Variants in PLPP3 observed in about 807,000 individuals in gnomAD.
PLPP3 encodes the protein PAP2 beta.
A neutral mutation model predicts 29.6 loss-of-function variants in PLPP3; 6 were observed. The ratio of observed to expected loss-of-function variants is 0.20; its 90% CI spans 0.11 to 0.40. The LOEUF is 0.40. Among genes scored for constraint, PLPP3 ranks in the 10% least tolerant of loss-of-function variants. The pLI is 1.00. For synonymous variants in PLPP3, 152 were observed against 159.7 expected (o/e 0.95, Z 0.36); for missense variants, 308 against 407.7 (o/e 0.76, Z 2.11).
At chr1:56,510,243 C>T (rs1278655371) in intron 5 of PLPP3, among the ~76,000 whole-genome samples, 1 of 152,186 alleles carries the variant, frequency 6.6e-6, no homozygotes, top group African/African-American at 2.4e-5. Context: ...AGTGCAAACA[C>T]CCATCCCCCA....
intron 5 of PLPP3, among the ~76,000 whole-genome samples, chr1:56,496,985 A>G (rs1645635024): frequency 6.6e-6 from 1 of 152,192 alleles, no homozygotes; most frequent in Non-Finnish European, 1.5e-5. Flanking sequence ...AGGCAAACGA[A>G]TAGCAATGAA....
intron 4 of PLPP3, among the ~76,000 whole-genome samples, chr1:56,518,773 C>T (rs140591880): frequency 0.016 from 2,292 of 147,008 alleles, 69 homozygotes; most frequent in African/African-American, 0.054. Flanking sequence ...TGATCCTGAA[C>T]TCCTGGGCTC....
intron 1 of PLPP3, among the ~76,000 whole-genome samples, chr1:56,542,582 T>C (rs540043645): frequency 2.6e-5 from 4 of 152,254 alleles, no homozygotes; most frequent in African/African-American, 9.6e-5. Context: ...ATAGTCATTA[T>C]AAAATACGTG....
chr1:56,550,851 T>C (rs1646033455), intron 1 of PLPP3, among the ~76,000 whole-genome samples: 1 of 152,072 alleles, frequency 6.6e-6, no homozygotes, highest in Non-Finnish European at 1.5e-5. Context: ...TTCATGGAAA[T>C]ATCAGCTTCC....
At chr1:56,565,125 G>T (rs889710064) in intron 1 of PLPP3, among the ~76,000 whole-genome samples, 8 of 152,214 alleles carry the variant, frequency 5.3e-5, no homozygotes, top group African/African-American at 1.7e-4. Flanking sequence ...AGTGTCTAAT[G>T]AAATCTGCTG....
rs377643864 is a variant in PLPP3 at position 56,518,622 on chromosome 1, G to GT, written c.633+5200dup. On this transcript the variant is annotated intron_variant, in intron 4 of 5. Coordinates refer to ENST00000371250, the MANE Select transcript of PLPP3 (RefSeq NM_003713.5). ...CAAATATTTATTGCACACTTACTAG[G>GT]TATCAGGCATTATTTTGGGAAGTAG... Among the ~76,000 whole-genome samples, 31 of 151,670 alleles carry GT rather than the reference G, an allele frequency of 2.0e-4. 1 individual carries two copies. Among genetic ancestry groups the GT allele is most frequent in the African/African-American group, 7.5e-4 (31 of 41,338 alleles).
chr1:56,498,378 A>C (rs79188207), intron 5 of PLPP3, among the ~76,000 whole-genome samples: 4,001 of 152,268 alleles, frequency 0.026, 196 homozygotes, highest in African/African-American at 0.091. Flanking sequence ...CAGTATAAGG[A>C]AACAGACTCG....
In PLPP3 at chr1:56,512,102, G is replaced by A; in HGVS notation, c.684C>T (p.Pro228=). 1 of 1,611,976 alleles carries A rather than the reference G, an allele frequency of 6.2e-7. No individual in the cohort carries two copies. The highest frequency in any genetic ancestry group is 8.5e-7 in the Non-Finnish European group (1 of 1,179,252). Residue 228 remains proline, a synonymous_variant, in exon 5 of 6, where the codon CCC becomes CCT. Coordinates refer to ENST00000371250, the MANE Select transcript of PLPP3 (RefSeq NM_003713.5). ...TCATGATCAAGGTGAACTGCAGGAG[G>A]GGCCGGAGCAGGCGGGCTCCTCGCC... ...FTWRGARLLR[P]LLQFTLIMMA...
chr1:56,545,749 C>T (rs997097434), intron 1 of PLPP3, among the ~76,000 whole-genome samples: 1 of 152,176 alleles, frequency 6.6e-6, no homozygotes, highest in African/African-American at 2.4e-5. Context: ...CCATCCAAGC[C>T]ATGCTACCCA....
Position 56,496,460 on chromosome 1 carries a change from C to T in PLPP3, c.*91G>A. On this transcript the variant is annotated 3_prime_UTR_variant, in exon 6 of 6. Coordinates refer to ENST00000371250, the MANE Select transcript of PLPP3 (RefSeq NM_003713.5). ...AAAATCAGTCGGGCAAAAGTTTTTC[C>T]CTACATTCTACTGTCTGATGAGATT... The T allele has an allele frequency of 4.9e-6, 7 of 1,434,082 alleles. No individual in the cohort carries two copies. Among genetic ancestry groups the T allele is most frequent in the African/African-American group, 1.4e-5 (1 of 69,390 alleles). 88.8% of individuals were successfully genotyped at this position (1,434,082 alleles called of 1,614,324 possible).
intron 1 of PLPP3, among the ~76,000 whole-genome samples, chr1:56,560,474 G>T (rs1394500617): frequency 1.3e-5 from 2 of 152,144 alleles, no homozygotes; most frequent in Non-Finnish European, 2.9e-5. Flanking sequence ...ATCACTGAAA[G>T]TATGTGCCAC....
At chr1:56,539,018 T>C (rs1645950534) in intron 1 of PLPP3, 1 of 146,536 alleles carries the variant, frequency 6.8e-6, no homozygotes, top group South Asian at 2.2e-4. Context: ...CACAATGTGT[T>C]GGGTTCTTTA....
chr1:56,541,569 A>G (rs1338973506), intron 1 of PLPP3, among the ~76,000 whole-genome samples: 2 of 152,178 alleles, frequency 1.3e-5, no homozygotes, highest in African/African-American at 4.8e-5. Flanking sequence ...TAGGATAAAC[A>G]GTCATAAAAA....
rs182047400 is a variant in PLPP3 at position 56,553,731 on chromosome 1, T to G, written c.140-16619A>C. ...GAAGGGCAATCTATCCACTGGCAACTGACATACAATGGCAAACAGTAGCAT... is the reference window on the plus strand; with the variant it reads ...GAAGGGCAATCTATCCACTGGCAACGGACATACAATGGCAAACAGTAGCAT... On this transcript the variant is annotated intron_variant, in intron 1 of 5. Transcript: ENST00000371250. Among the ~76,000 whole-genome samples the G allele has an allele frequency of 1.0e-3, 157 of 152,314 alleles. No individual in the cohort carries two copies. In the Middle Eastern group the frequency reaches 0.014, roughly 13 times the overall value.
chr1:56,571,339 C>T (rs1320404837), intron 1 of PLPP3, among the ~76,000 whole-genome samples: 6 of 152,166 alleles, frequency 3.9e-5, no homozygotes, highest in Non-Finnish European at 8.8e-5. Context: ...CACAGAATCT[C>T]ATTTCGTAAA....
At position 56,495,332 on chromosome 1, in the gene PLPP3, T is replaced by C. The variant is rs1645624038; in HGVS notation, c.*1219A>G. 6.6e-6 allele frequency: 1 copy of C among 152,582 alleles called. No homozygotes were observed. Among genetic ancestry groups the C allele is most frequent in the Non-Finnish European group, 1.5e-5 (1 of 68,038 alleles). 9.5% of individuals were successfully genotyped at this position (152,582 alleles called of 1,614,324 possible). A position where few individuals can be genotyped will look rare whatever the true frequency, so the allele number is the denominator to read the frequency against. ...GTAGAAGGGGTCCCTGTCTATCACC[T>C]AGAGTGGGACCTTGCATGGAAGGAC... is the stretch of plus-strand genomic sequence containing the variant. On this transcript the variant is annotated 3_prime_UTR_variant, in exon 6 of 6. Transcript: ENST00000371250.
At chr1:56,551,697 G>A (rs1646040796) in intron 1 of PLPP3, among the ~76,000 whole-genome samples, 1 of 152,180 alleles carries the variant, frequency 6.6e-6, no homozygotes, top group Non-Finnish European at 1.5e-5. Context: ...AATGGGTCTT[G>A]GCGAATTAAT....
intron 5 of PLPP3, among the ~76,000 whole-genome samples, chr1:56,504,429 G>C (rs1342777851): frequency 6.6e-6 from 1 of 152,142 alleles, no homozygotes. Context: ...TGACAGCTCT[G>C]TCTATGGGGT....
chr1:56,578,256 C>T (rs905982938), intron 1 of PLPP3, among the ~76,000 whole-genome samples: 2 of 152,194 alleles, frequency 1.3e-5, no homozygotes, highest in African/African-American at 2.4e-5. Flanking sequence ...AAACTGATGC[C>T]CCTGAAGCCG....
Sources: gnomAD v4.1 joint callset for allele counts (sites outside exome capture counted in the v4.1 genomes callset) on GRCh38, gnomAD v4.1.1 for gene constraint, MANE v1.5 for transcripts, NCBI Gene and HGNC (gene_info 2026-07-23, HGNC 2026-07-21) for gene names.